CCDC150: variants seen among roughly 807,000 people sequenced by gnomAD.
CCDC150 encodes coiled-coil domain containing 150.
CCDC150 carries 151 observed loss-of-function variants against 156.5 expected under a neutral mutation model. The ratio of observed to expected loss-of-function variants is 0.97; its 90% CI spans 0.85 to 1.10. CCDC150 has a LOEUF of 1.10. Ranked by LOEUF, CCDC150 falls within the 50% of genes least tolerant of loss-of-function variation. CCDC150 has a pLI of 0.00. For missense variants in CCDC150, 1,312 were observed against 1,268.1 expected (o/e 1.03, Z -0.53); for synonymous variants, 452 against 429.4 (o/e 1.05, Z -0.65).
At chr2:196,649,018 A>G (rs935741976) in intron 2 of CCDC150, among the ~76,000 whole-genome samples, 9 of 152,246 alleles carry the variant, frequency 5.9e-5, no homozygotes, top group Middle Eastern at 3.4e-3. Context: ...TGCTGCTACT[A>G]TGCTCTCTTT....
intron 10 of CCDC150, 63 bp from the exon 11 acceptor site, chr2:196,676,080 A>G (rs577333461): frequency 6.5e-7 from 1 of 1,546,620 alleles, no homozygotes; most frequent in South Asian, 1.1e-5. Flanking sequence ...CAGTTACTCC[A>G]AATGACACCC....
At chr2:196,702,590 C>T (rs112979082) in intron 15 of CCDC150, among the ~76,000 whole-genome samples, 10 of 151,910 alleles carry the variant, frequency 6.6e-5, no homozygotes, top group African/African-American at 1.7e-4. Flanking sequence ...AGGCTGGTCT[C>T]GAACTCCTGA....
intron 1 of CCDC150, among the ~76,000 whole-genome samples, chr2:196,643,770 C>T (rs1360312451): frequency 1.3e-5 from 2 of 152,334 alleles, no homozygotes; most frequent in South Asian, 2.1e-4. Context: ...AAATTGTTCT[C>T]CCTTCCCCTC....
Position 196,646,422 on chromosome 2 carries a change from C to T in CCDC150, c.94C>T (p.Leu32Phe). ...TACAGCTTCTGAAACATTCACAGTA[C>T]TTCAGCAAAGGATGAGAATAGTTGA... ...NATASETFTVLQQRMRIVEEQ... is the reference protein window; with the variant it reads ...NATASETFTVFQQRMRIVEEQ... The change falls in exon 2 of 28, where the codon CTT becomes TTT. Residue 32 changes from leucine to phenylalanine, a missense_variant. By Grantham distance (22) the Leu-to-Phe change is conservative. Transcript: ENST00000389175. 1 of 1,613,682 alleles carries T rather than the reference C, an allele frequency of 6.2e-7. No homozygotes were observed. The highest frequency in any genetic ancestry group is 8.5e-7 in the Non-Finnish European group (1 of 1,179,596).
At chr2:196,647,900 T>C (rs901353193) in intron 2 of CCDC150, among the ~76,000 whole-genome samples, 17 of 152,160 alleles carry the variant, frequency 1.1e-4, no homozygotes, top group African/African-American at 3.9e-4. Flanking sequence ...AATCTCTTCT[T>C]TCCCTGTCCA....
At chr2:196,690,004 CAT>C (rs1695355791) in intron 13 of CCDC150, among the ~76,000 whole-genome samples, 1 of 152,166 alleles carries the variant, frequency 6.6e-6, no homozygotes. Flanking sequence ...TTGAAATAAT[CAT>C]GTGGTTTTTG....
chr2:196,725,543 C>T (rs1698162347), intron 21 of CCDC150, among the ~76,000 whole-genome samples: 1 of 152,154 alleles, frequency 6.6e-6, no homozygotes, highest in Non-Finnish European at 1.5e-5. Flanking sequence ...TAAATAGCTG[C>T]TAGCAAAAAG....
At chr2:196,701,028 G>C (rs1346088683) in intron 14 of CCDC150, 81 bp from the exon 15 acceptor site, 2 of 837,448 alleles carry the variant, frequency 2.4e-6, no homozygotes, top group African/African-American at 3.5e-5. Flanking sequence ...AAATGGTAAG[G>C]ATGTAAATAC....
At chr2:196,696,748 A>G (rs1226413075) in intron 14 of CCDC150, among the ~76,000 whole-genome samples, 1 of 152,212 alleles carries the variant, frequency 6.6e-6, no homozygotes, top group Non-Finnish European at 1.5e-5. Flanking sequence ...AAATCTTAGC[A>G]ATATCATTAA....
In CCDC150 at chr2:196,639,723, G is replaced by C; in HGVS notation, c.-44G>C. On this transcript the variant is annotated 5_prime_UTR_variant, in exon 1 of 28. Coordinates refer to ENST00000389175, the MANE Select transcript of CCDC150 (RefSeq NM_001080539.2). ...GTTTAAAATGCTGTGTTAGTTCCAC[G>C]GAAACCCGCTCGCCTGCTGCAGTAC... 4.6e-6 allele frequency: 7 copies of C among 1,516,200 alleles called. No homozygotes were observed. Among genetic ancestry groups the C allele is most frequent in the Non-Finnish European group, 5.3e-6 (6 of 1,123,376 alleles). 93.9% of individuals were successfully genotyped at this position (1,516,200 alleles called of 1,614,324 possible).
intron 15 of CCDC150, among the ~76,000 whole-genome samples, chr2:196,709,644 T>C (rs915350235): frequency 3.3e-5 from 5 of 152,222 alleles, no homozygotes; most frequent in Non-Finnish European, 5.9e-5. Context: ...TTTGTGCTTT[T>C]ATCTACCTTT....
At chr2:196,675,217 G>A (rs1337939148) in intron 10 of CCDC150, among the ~76,000 whole-genome samples, 1 of 152,062 alleles carries the variant, frequency 6.6e-6, no homozygotes, top group African/African-American at 2.4e-5. Context: ...TGCTAAGCAT[G>A]CTTTGCACAT....
At chr2:196,649,584 C>T (rs956996863) in intron 2 of CCDC150, among the ~76,000 whole-genome samples, 11 of 152,080 alleles carry the variant, frequency 7.2e-5, no homozygotes, top group Non-Finnish European at 1.3e-4. Context: ...CTATGATGTT[C>T]GTACAGTGAC....
chr2:196,710,003 G>A (rs1361825784), intron 15 of CCDC150, among the ~76,000 whole-genome samples: 5 of 152,206 alleles, frequency 3.3e-5, no homozygotes, highest in African/African-American at 4.8e-5. Flanking sequence ...TCTGTTCTCC[G>A]AGCTCAAACA....
chr2:196,643,138 T>C (rs1692336175), intron 1 of CCDC150, among the ~76,000 whole-genome samples: 1 of 152,204 alleles, frequency 6.6e-6, no homozygotes, highest in South Asian at 2.1e-4. Flanking sequence ...TTCTCAGCGA[T>C]TGACTAAGAG....
intron 17 of CCDC150, among the ~76,000 whole-genome samples, chr2:196,715,718 A>G (rs1697455110): frequency 6.6e-6 from 1 of 152,214 alleles, no homozygotes; most frequent in Non-Finnish European, 1.5e-5. Context: ...ATTAAAATGG[A>G]TCATAGATCT....
intron 13 of CCDC150, among the ~76,000 whole-genome samples, chr2:196,684,605 A>G (rs1695022302): frequency 6.6e-6 from 1 of 151,980 alleles, no homozygotes; most frequent in Middle Eastern, 3.2e-3. Context: ...TTCCGCATTA[A>G]TCTTCTGTCC....
rs1002650849 is a variant in CCDC150, at chr2:196,694,511, G to C, written c.1510-535G>C. ...CAGAAAATGGAAAAGAGAGAAAAAGGGTTCTTTTTAGAAAAAATGTTAGAC... is the reference window on the plus strand; with the variant it reads ...CAGAAAATGGAAAAGAGAGAAAAAGCGTTCTTTTTAGAAAAAATGTTAGAC... On this transcript the variant is annotated intron_variant, in intron 13 of 27. Transcript: ENST00000389175. Among the ~76,000 whole-genome samples the C allele has an allele frequency of 2.6e-5, 4 of 152,196 alleles. No individual in the cohort carries two copies. In the South Asian group the frequency reaches 8.3e-4, roughly 32 times the overall value.
At chr2:196,712,770 C>T (rs1337683314) in intron 17 of CCDC150, 31 bp downstream of exon 17, 2 of 1,533,692 alleles carry the variant, frequency 1.3e-6, no homozygotes, top group African/African-American at 1.4e-5. Context: ...TACTTGTCAG[C>T]ATGGTGGCTC....
Sources: gnomAD v4.1 joint callset for allele counts (sites outside exome capture counted in the v4.1 genomes callset) on GRCh38, gnomAD v4.1.1 for gene constraint, MANE v1.5 for transcripts, NCBI Gene and HGNC (gene_info 2026-07-23, HGNC 2026-07-21) for gene names.